The following YWHAZ variants were observed in gnomAD, a reference collection of about 807,000 sequenced individuals.
YWHAZ encodes 14-3-3 protein zeta/delta.
For missense variants in YWHAZ, 79 were observed against 284.8 expected, an observed-to-expected ratio of 0.28 and a Z score of 5.20; for synonymous variants, 87 against 103.6, an observed-to-expected ratio of 0.84 and a Z score of 0.97.
chr8:100,919,710 A>G lies in YWHAZ; in HGVS notation c.*983T>C, dbSNP rs1812889856. ...AAAGTAGTTGAAAAGTCCATTCATAAAACTTTTATTCCACTTACATGAATT... is the reference window on the plus strand; with the variant it reads ...AAAGTAGTTGAAAAGTCCATTCATAGAACTTTTATTCCACTTACATGAATT... On this transcript the variant is annotated 3_prime_UTR_variant, in exon 6 of 6. Transcript: ENST00000395958. 1 of 152,614 alleles carries G rather than the reference A, an allele frequency of 6.6e-6. No homozygotes were observed. The highest frequency in any genetic ancestry group is 2.4e-5 in the African/African-American group (1 of 41,458). The allele number at this position is 152,614 out of a possible 1,614,324, so 9.5% of individuals were successfully genotyped here.
Position 100,924,106 on chromosome 8 carries a change from A to G in YWHAZ, c.582+29T>C, listed in dbSNP as rs1048224167. On this transcript the variant is annotated intron_variant, in intron 4 of 5. Transcript: ENST00000395958. The surrounding 1 kb of genome is among the most constrained non-coding windows in gnomAD (Gnocchi z 5.7). The stretch of plus-strand genomic sequence containing the variant: ...AGTGCTCAAATAATAAAGACTGCTA[A>G]ATTTCTACGTAACAGGTAAAATACA... 6.2e-7 allele frequency: 1 copy of G among 1,608,266 alleles called. No homozygotes were observed. Among genetic ancestry groups the G allele is most frequent in the African/African-American group, 1.3e-5 (1 of 74,482 alleles).
At chr8:100,925,644 T>G (rs1174861529) in intron 2 of YWHAZ, among the ~76,000 whole-genome samples, 1 of 152,238 alleles carries the variant, frequency 6.6e-6, no homozygotes, top group Non-Finnish European at 1.5e-5. Flanking sequence ...AGAGCAGACC[T>G]TTAATCTCAT....
At chr8:100,945,696 C>A (rs1472343243) in intron 2 of YWHAZ, among the ~76,000 whole-genome samples, 1 of 151,982 alleles carries the variant, frequency 6.6e-6, no homozygotes, top group Admixed American at 6.6e-5. Context: ...ACAGAAAGGG[C>A]AGAAGGAATT....
upstream of YWHAZ, chr8:100,952,084 G>A (rs1419054516): frequency 8.1e-6 from 8 of 987,096 alleles, no homozygotes; most frequent in Non-Finnish European, 8.4e-6. Context: ...CCAATCACCA[G>A]CCCCGGCAGC....
At chr8:100,944,669 G>C (rs1810132193) in intron 2 of YWHAZ, among the ~76,000 whole-genome samples, 1 of 152,176 alleles carries the variant, frequency 6.6e-6, no homozygotes, top group Non-Finnish European at 1.5e-5. Flanking sequence ...TTCATGGACT[G>C]TAAGTTAAGA....
intron 2 of YWHAZ, among the ~76,000 whole-genome samples, chr8:100,935,527 T>G (rs1383044928): frequency 6.6e-6 from 1 of 152,108 alleles, no homozygotes; most frequent in Non-Finnish European, 1.5e-5. Context: ...TCTGAAAACC[T>G]AAGAGATTGC....
intron 2 of YWHAZ, among the ~76,000 whole-genome samples, chr8:100,928,701 C>A (rs1429033588): frequency 6.6e-6 from 1 of 151,762 alleles, no homozygotes; most frequent in African/African-American, 2.4e-5. Context: ...CCATTGCACT[C>A]CAGCCTGGGC....
At chr8:100,950,419 TC>T in intron 1 of YWHAZ, 4 of 985,486 alleles carry the variant, frequency 4.1e-6, no homozygotes, top group Non-Finnish European at 4.8e-6. Flanking sequence ...ACTTGAGACG[TC>T]GGTTACTGTG....
At chr8:100,950,272 C>A in intron 1 of YWHAZ, 2 of 691,140 alleles carry the variant, frequency 2.9e-6, no homozygotes, top group Non-Finnish European at 3.6e-6. Flanking sequence ...ATGATTTAAG[C>A]CAGTACAAAG....
intron 2 of YWHAZ, chr8:100,934,826 C>T (rs1354064963): frequency 6.6e-6 from 1 of 152,064 alleles, no homozygotes; most frequent in Non-Finnish European, 1.5e-5. Context: ...ACATAAATTC[C>T]CAGGATACAC....
rs1810436794 is a variant in YWHAZ, at chr8:100,948,040, T to G, written c.294+556A>C. ...TGGAAAATCAAGCTTGAGTTGTTCA[T>G]AACCTTTCATCATGGTTGTGAGTGT... On this transcript the variant is annotated intron_variant, in intron 2 of 5. Transcript: ENST00000395958. The surrounding 1 kb of genome is among the most constrained non-coding windows in gnomAD (Gnocchi z 4.2). 1 of 1,457,210 alleles carries G rather than the reference T, an allele frequency of 6.9e-7. No individual in the cohort carries two copies. The highest frequency in any genetic ancestry group is 9.3e-7 in the Non-Finnish European group (1 of 1,080,358). The allele number at this position is 1,457,210 out of a possible 1,614,324, so 90.3% of individuals were successfully genotyped here.
At chr8:100,931,757 G>C (rs1813777703) in intron 2 of YWHAZ, among the ~76,000 whole-genome samples, 2 of 151,818 alleles carry the variant, frequency 1.3e-5, no homozygotes, top group Admixed American at 6.6e-5. Context: ...TGAAAATAAA[G>C]TATGGAGATT....
chr8:100,920,766 GA>G lies in YWHAZ; in HGVS notation c.679-15del. The stretch of plus-strand genomic sequence containing the variant: ...CGATGTCCACAACTGGTAAAAGAAG[GA>G]AAGATTTTTCAGCAAGTTTCAGTGG... On this transcript the variant is annotated splice_polypyrimidine_tract_variant and intron_variant, in intron 5 of 5. Transcript: ENST00000395958. The G allele has an allele frequency of 2.4e-6, 2 of 843,126 alleles. No homozygotes were observed. 52.2% of individuals were successfully genotyped at this position (843,126 alleles called of 1,614,324 possible). A position where few individuals can be genotyped will look rare whatever the true frequency, so the allele number is the denominator to read the frequency against.
rs1305643323 is a variant in YWHAZ at position 100,919,229 on chromosome 8, C to A, written c.*1464G>T. 6.6e-6 allele frequency: 1 copy of A among 152,436 alleles called. No individual in the cohort carries two copies. Among genetic ancestry groups the A allele is most frequent in the East Asian group, 1.9e-4 (1 of 5,188 alleles). The allele number at this position is 152,436 out of a possible 1,614,324, so 9.4% of individuals were successfully genotyped here. A position where few individuals can be genotyped will look rare whatever the true frequency, so the allele number is the denominator to read the frequency against. The stretch of plus-strand genomic sequence containing the variant: ...TAAAACAGGAAGGTAATCTTGTGCA[C>A]CTGACAAATAGAAAGAATAAAGGAT... On this transcript the variant is annotated 3_prime_UTR_variant, in exon 6 of 6. Coordinates refer to ENST00000395958, the MANE Select transcript of YWHAZ (RefSeq NM_145690.3).
In YWHAZ at chr8:100,948,130, T is replaced by A. The variant is rs1290558581; in HGVS notation, c.294+466A>T. On this transcript the variant is annotated intron_variant, in intron 2 of 5. Transcript: ENST00000395958. The surrounding 1 kb of genome is among the most constrained non-coding windows in gnomAD (Gnocchi z 4.2). The stretch of plus-strand genomic sequence containing the variant: ...TCATAGTTGTGACGCCAGAGTTTTC[T>A]GCATGGTTGACTCATTACATTAACA... 2 of 1,534,720 alleles carry A rather than the reference T, an allele frequency of 1.3e-6. No individual in the cohort carries two copies. The highest frequency in any genetic ancestry group is 1.2e-5 in the South Asian group (1 of 83,876).
chr8:100,953,141 C>T (rs41433245), upstream of YWHAZ: 7,152 of 986,204 alleles, frequency 7.3e-3, 36 homozygotes, highest in Non-Finnish European at 7.7e-3. Context: ...TGGAGCTGGT[C>T]CTGGCAGCCT....
chr8:100,931,653 T>C (rs887075107), intron 2 of YWHAZ, among the ~76,000 whole-genome samples: 14 of 152,196 alleles, frequency 9.2e-5, no homozygotes, highest in African/African-American at 3.1e-4. Context: ...ATCAAAAGGC[T>C]GTTATGAGGT....
chr8:100,945,539 G>T (rs1472784131), intron 2 of YWHAZ, among the ~76,000 whole-genome samples: 1 of 151,990 alleles, frequency 6.6e-6, no homozygotes, highest in Non-Finnish European at 1.5e-5. Context: ...CCCAGAAAAG[G>T]CTGGAGTAAT....
chr8:100,922,381 TTTC>T lies in YWHAZ; in HGVS notation c.678+1571_678+1573del, dbSNP rs1394618754. On this transcript the variant is annotated intron_variant, in intron 5 of 5. Coordinates refer to ENST00000395958, the MANE Select transcript of YWHAZ (RefSeq NM_145690.3). This position sits in a 1 kb window ranked among gnomAD's most constrained non-coding sequence, Gnocchi z 4.1. ...AGAATTAGAATCAAAACCCTGGTTT[TTTC>T]TTTTCTTTTTTTTTTTTTTTGAGAC... 2 of 93,398 alleles carry T rather than the reference TTTC, an allele frequency of 2.1e-5. No homozygotes were observed. Among genetic ancestry groups the T allele is most frequent in the African/African-American group, 4.5e-5 (1 of 22,378 alleles). 5.8% of individuals were successfully genotyped at this position (93,398 alleles called of 1,614,324 possible). A position where few individuals can be genotyped will look rare whatever the true frequency, so the allele number is the denominator to read the frequency against.
Sources: gnomAD v4.1 joint callset for allele counts (sites outside exome capture counted in the v4.1 genomes callset) on GRCh38, gnomAD v4.1.1 for gene constraint, Gnocchi (gnomAD v3.1) non-coding constraint, MANE v1.5 for transcripts, NCBI Gene and HGNC (gene_info 2026-07-23, HGNC 2026-07-21) for gene names.